Variants in PCGF3 observed in about 807,000 individuals in gnomAD.
PCGF3 encodes polycomb group RING finger protein 3.
In PCGF3, 7 loss-of-function variants were observed where a neutral mutation model predicts 33.1. The observed-to-expected ratio is 0.21, with a 90% CI of 0.12 to 0.40. The LOEUF (loss-of-function observed/expected upper bound fraction) is 0.40, where lower values mean the gene tolerates loss of function less well. Ranked by LOEUF, PCGF3 falls within the 10% of genes least tolerant of loss-of-function variation. The pLI, the probability that PCGF3 is intolerant of heterozygous loss-of-function variation, is 1.00. For synonymous variants in PCGF3, 153 were observed against 121.3 expected (o/e 1.26, Z -1.72); for missense variants, 211 against 313.3 (o/e 0.67, Z 2.46).
At chr4:740,006 CAGG>C (rs1744017358) in intron 6 of PCGF3, among the ~76,000 whole-genome samples, 2 of 152,250 alleles carry the variant, frequency 1.3e-5, no homozygotes, top group South Asian at 4.1e-4. Flanking sequence ...GGCTCTTTAG[CAGG>C]AGGATTCTAA....
At chr4:765,128 T>G in intron 10 of PCGF3, 64 bp downstream of exon 10, 24 of 1,126,796 alleles carry the variant, frequency 2.1e-5, no homozygotes, top group Non-Finnish European at 3.1e-5. Flanking sequence ...TGTGCATCTC[T>G]TATCTAAAAT....
Position 713,237 on chromosome 4 carries a change from GGCC to G in PCGF3, c.-190+7268_-190+7270del, listed in dbSNP as rs1560194897. Among the ~76,000 whole-genome samples the G allele has an allele frequency of 1.9e-3, 192 of 100,134 alleles. 10 individuals are homozygous for G. The highest frequency in any genetic ancestry group is 5.6e-3 in the Middle Eastern group (1 of 180). The allele number at this position is 100,134 out of a possible 152,430, so 65.7% of individuals were successfully genotyped here. ...GGCTGTGGCCTTGTGGGTCCTGTGT[GGCC>G]TGGTGGGGGCTGTGGCTTCATGGGT... On this transcript the variant is annotated intron_variant, in intron 1 of 10. Transcript: ENST00000362003.
chr4:738,414 C>T (rs1743931608), intron 6 of PCGF3, among the ~76,000 whole-genome samples: 1 of 152,180 alleles, frequency 6.6e-6, no homozygotes, highest in Non-Finnish European at 1.5e-5. Context: ...GTTTTTTAGT[C>T]CTGAGAAAAG....
chr4:707,002 C>T (rs1214066627), intron 1 of PCGF3, among the ~76,000 whole-genome samples: 2 of 122,412 alleles, frequency 1.6e-5, no homozygotes, highest in East Asian at 2.7e-4. Context: ...GGGAAGGTCG[C>T]GACCCCAGCC....
In PCGF3 at chr4:764,949, C is replaced by T. The variant is rs191958093; in HGVS notation, c.601-35C>T. 2,354 of 1,517,682 alleles carry T rather than the reference C, an allele frequency of 1.6e-3. 6 individuals carry two copies. The highest frequency in any genetic ancestry group is 1.8e-3 in the Non-Finnish European group (1,972 of 1,093,190). The allele number at this position is 1,517,682 out of a possible 1,614,324, so 94.0% of individuals were successfully genotyped here. A position where few individuals can be genotyped will look rare whatever the true frequency, so the allele number is the denominator to read the frequency against. ...GGCCATGTCAGTGTGGGTTGAGCACCTCTCCGCTGCTAATCAAACCTCCTT... is the reference window on the plus strand; with the variant it reads ...GGCCATGTCAGTGTGGGTTGAGCACTTCTCCGCTGCTAATCAAACCTCCTT... On this transcript the variant is annotated intron_variant, in intron 9 of 10. Transcript: ENST00000362003.
chr4:761,997 T>A (rs1372556118), intron 9 of PCGF3: 1 of 985,000 alleles, frequency 1.0e-6, no homozygotes, highest in Non-Finnish European at 1.2e-6. Context: ...TGTGCAGAAA[T>A]GGACGCAGGA....
At chr4:743,385 C>T in intron 6 of PCGF3, 89 bp from the exon 7 acceptor site, 1 of 747,222 alleles carries the variant, frequency 1.3e-6, no homozygotes, top group South Asian at 1.6e-5. Context: ...AATGCAAATC[C>T]CTAATTTTCT....
At chr4:735,492 G>A (rs143953394) in intron 5 of PCGF3, among the ~76,000 whole-genome samples, 1 of 152,300 alleles carries the variant, frequency 6.6e-6, no homozygotes, top group East Asian at 1.9e-4. Context: ...GTTGCAGTAA[G>A]CGGAGATTGC....
chr4:763,464 C>T (rs552687833), intron 9 of PCGF3, among the ~76,000 whole-genome samples: 1 of 152,234 alleles, frequency 6.6e-6, no homozygotes, highest in African/African-American at 2.4e-5. Context: ...CAATTCATGC[C>T]TTCCCCAGGG....
chr4:729,315 T>A (rs1381631112), intron 1 of PCGF3, among the ~76,000 whole-genome samples: 1 of 150,968 alleles, frequency 6.6e-6, no homozygotes, highest in Non-Finnish European at 1.5e-5. Context: ...CTCAGGAGGC[T>A]GAAGTGGGAG....
chr4:722,688 C>T (rs1242937351), intron 1 of PCGF3, among the ~76,000 whole-genome samples: 1 of 114,056 alleles, frequency 8.8e-6, no homozygotes, highest in East Asian at 2.8e-4. Context: ...TCCACACTCG[C>T]GTCATCACCT....
intron 3 of PCGF3, among the ~76,000 whole-genome samples, chr4:732,138 C>T (rs71614939): frequency 3.4e-5 from 3 of 89,404 alleles, no homozygotes; most frequent in Admixed American, 1.1e-4. Flanking sequence ...GGGCGTAGGG[C>T]GGGGCTCCCC....
chr4:755,903 C>T (rs906319588), intron 8 of PCGF3, among the ~76,000 whole-genome samples: 1 of 120,552 alleles, frequency 8.3e-6, no homozygotes, highest in South Asian at 3.0e-4. Context: ...TCAGAATTGT[C>T]CTTTTTTTTT....
At chr4:765,989 C>G (rs1428451100) in intron 10 of PCGF3, 43 bp from the exon 11 acceptor site, 1 of 1,599,012 alleles carries the variant, frequency 6.3e-7, no homozygotes. Flanking sequence ...CTTCTCGCCT[C>G]CACCCCTGCT....
intron 8 of PCGF3, among the ~76,000 whole-genome samples, chr4:750,238 G>C (rs1251397401): frequency 6.6e-6 from 1 of 152,184 alleles, no homozygotes; most frequent in African/African-American, 2.4e-5. Flanking sequence ...CTTTTTAATC[G>C]AGAAGTTTGT....
At chr4:766,289 G>A (rs1446899502) in exon 11 of PCGF3, 3 of 533,846 alleles carry the variant, frequency 5.6e-6, no homozygotes, top group Non-Finnish European at 1.0e-5. Flanking sequence ...GTCTCCCAGA[G>A]CCGATCGTCC....
chr4:762,791 T>C (rs1286905349), intron 9 of PCGF3: 1 of 152,202 alleles, frequency 6.6e-6, no homozygotes, highest in African/African-American at 2.4e-5. Context: ...TACATTTCTA[T>C]TGTTTGAAGA....
chr4:731,270 G>A (rs1219567367), intron 3 of PCGF3, 160 bp downstream of exon 3: 1 of 398,442 alleles, frequency 2.5e-6, no homozygotes, highest in South Asian at 1.3e-4. Context: ...TCCTGTGAGA[G>A]TCCAAGGTCC....
intron 1 of PCGF3, among the ~76,000 whole-genome samples, chr4:713,338 G>C (rs1742661931): frequency 9.7e-6 from 1 of 103,470 alleles, no homozygotes; most frequent in Non-Finnish European, 2.3e-5. Context: ...CCTGGTGGGG[G>C]CTGTGGCTTT....
Sources: gnomAD v4.1 joint callset for allele counts (sites outside exome capture counted in the v4.1 genomes callset) on GRCh38, gnomAD v4.1.1 for gene constraint, MANE v1.5 for transcripts, NCBI Gene and HGNC (gene_info 2026-07-23, HGNC 2026-07-21) for gene names.